Variants in CA10 observed in about 807,000 individuals in gnomAD.
CA10 encodes carbonic anhydrase-related protein 10.
A neutral mutation model predicts 44.2 loss-of-function variants in CA10; 14 were observed. The ratio of observed to expected loss-of-function variants is 0.32; its 90% CI spans 0.21 to 0.50. The LOEUF (loss-of-function observed/expected upper bound fraction) is 0.50. Ranked by LOEUF, CA10 falls within the 20% of genes least tolerant of loss-of-function variation. CA10 has a pLI of 0.99. For missense variants in CA10, 350 were observed against 409.7 expected (o/e 0.85, Z 1.26); for synonymous variants, 159 against 141.6 (o/e 1.12, Z -0.87).
intron 3 of CA10, among the ~76,000 whole-genome samples, chr17:51,784,173 T>C (rs924974518): frequency 2.6e-5 from 4 of 152,170 alleles, no homozygotes; most frequent in African/African-American, 9.7e-5. Flanking sequence ...CAAGTGCCCA[T>C]TGTGAACTCT....
At chr17:52,071,925 T>A (rs1264909134) in intron 2 of CA10, among the ~76,000 whole-genome samples, 2 of 152,194 alleles carry the variant, frequency 1.3e-5, no homozygotes, top group Non-Finnish European at 2.9e-5. Context: ...CGCGATGTGC[T>A]AAGTGCTGGC....
rs180929197 is a variant in CA10 at position 51,751,763 on chromosome 17, C to T, written c.280-3945G>A. On this transcript the variant is annotated intron_variant, in intron 3 of 8. Coordinates refer to ENST00000451037, the MANE Select transcript of CA10 (RefSeq NM_020178.5). ...GGAGAATGCAAGATCATATTGAAGG[C>T]CATGAAGCAAACCCCAAACCAGAAG... Among the ~76,000 whole-genome samples, 4 of 152,320 alleles carry T rather than the reference C, an allele frequency of 2.6e-5. No homozygotes were observed. In the East Asian group the frequency reaches 7.7e-4, roughly 29 times the overall value.
chr17:51,710,691 T>A (rs1362370907), intron 4 of CA10, among the ~76,000 whole-genome samples: 1 of 152,112 alleles, frequency 6.6e-6, no homozygotes, highest in African/African-American at 2.4e-5. Flanking sequence ...CGACTGAGCT[T>A]CCAGGAAGAG....
At chr17:51,714,499 G>A (rs1004214354) in intron 4 of CA10, among the ~76,000 whole-genome samples, 3 of 152,138 alleles carry the variant, frequency 2.0e-5, no homozygotes, top group Non-Finnish European at 4.4e-5. Context: ...TTTGGGAGGT[G>A]GGCTGGGGTC....
At position 52,072,377 on chromosome 17, in the gene CA10, T is replaced by G; in HGVS notation, c.78A>C (p.Pro26=). 3.1e-6 allele frequency: 5 copies of G among 1,613,404 alleles called. No individual in the cohort carries two copies. Among genetic ancestry groups the G allele is most frequent in the Admixed American group, 1.7e-5 (1 of 60,006 alleles). The change falls in exon 2 of 9, where the codon CCA becomes CCC. Residue 26 remains proline, a synonymous_variant. Transcript: ENST00000451037. ...IVCISAQQNS[P]KIHEGWWAYK... ...ATGCCCACCAGCCTTCATGGATTTT[T>G]GGTGAATTCTGTTGAGCTAAAGGAA...
At chr17:51,865,901 C>T (rs933961425) in intron 3 of CA10, among the ~76,000 whole-genome samples, 16 of 152,166 alleles carry the variant, frequency 1.1e-4, no homozygotes, top group African/African-American at 3.9e-4. Context: ...GAGGAAACCA[C>T]GTTGATTCTG....
intron 2 of CA10, among the ~76,000 whole-genome samples, chr17:51,941,629 G>A (rs1490225892): frequency 6.6e-6 from 1 of 152,104 alleles, no homozygotes; most frequent in Admixed American, 6.6e-5. Context: ...TGACCTACTT[G>A]ATGTTTATAC....
At chr17:51,908,406 A>G (rs1401267019) in intron 3 of CA10, among the ~76,000 whole-genome samples, 1 of 152,132 alleles carries the variant, frequency 6.6e-6, no homozygotes, top group Non-Finnish European at 1.5e-5. Flanking sequence ...AAATGACATA[A>G]TTTTAACAAA....
At chr17:52,081,437 T>C (rs1328722422) in intron 1 of CA10, among the ~76,000 whole-genome samples, 2 of 152,126 alleles carry the variant, frequency 1.3e-5, no homozygotes, top group African/African-American at 2.4e-5. Context: ...ACAATGTAAG[T>C]AGCGGCCCAA....
chr17:51,710,748 C>G (rs1223873826), intron 4 of CA10, among the ~76,000 whole-genome samples: 1 of 151,990 alleles, frequency 6.6e-6, no homozygotes, highest in Non-Finnish European at 1.5e-5. Context: ...GTCTAAGTCC[C>G]CACCAGAGGT....
intron 4 of CA10, among the ~76,000 whole-genome samples, chr17:51,724,573 G>A (rs1916455236): frequency 6.6e-6 from 1 of 152,152 alleles, no homozygotes; most frequent in Non-Finnish European, 1.5e-5. Flanking sequence ...AAGCAGCTTT[G>A]ATTTGTTGGG....
At chr17:51,751,829 T>G (rs1302427194) in intron 3 of CA10, among the ~76,000 whole-genome samples, 1 of 152,178 alleles carries the variant, frequency 6.6e-6, no homozygotes. Flanking sequence ...TCGATCTCAC[T>G]TCCAGACCCC....
chr17:51,635,810 A>G (rs1455738897), intron 7 of CA10, 45 bp downstream of exon 7: 25 of 1,436,820 alleles, frequency 1.7e-5, no homozygotes, highest in Non-Finnish European at 2.4e-5. Context: ...ATTTTTTTTT[A>G]ACATCATTCT....
intron 2 of CA10, among the ~76,000 whole-genome samples, chr17:52,016,900 G>A (rs1306331987): frequency 2.6e-5 from 4 of 152,062 alleles, no homozygotes; most frequent in Non-Finnish European, 5.9e-5. Flanking sequence ...GTGATAGAAT[G>A]AGGCTCCATC....
chr17:52,139,744 C>T (rs990725499), intron 1 of CA10, among the ~76,000 whole-genome samples: 3 of 152,096 alleles, frequency 2.0e-5, no homozygotes, highest in African/African-American at 7.2e-5. Context: ...GCTGTGTGCT[C>T]CTCAGTGTTA....
chr17:51,968,097 A>C lies in CA10; in HGVS notation c.137-36965T>G, dbSNP rs115888497. On this transcript the variant is annotated intron_variant, in intron 2 of 8. Coordinates refer to ENST00000451037, the MANE Select transcript of CA10 (RefSeq NM_020178.5). ...GAGGATACGGAGCAAGAGAAACTCT[A>C]ACATTGCTGGAGGGAACATAAGATA... Among the ~76,000 whole-genome samples, 418 of 152,026 alleles carry C rather than the reference A, an allele frequency of 2.7e-3. 2 individuals are homozygous for C. Among genetic ancestry groups the C allele is most frequent in the African/African-American group, 9.2e-3 (383 of 41,558 alleles).
intron 2 of CA10, among the ~76,000 whole-genome samples, chr17:51,969,075 A>G (rs1456961049): frequency 6.6e-6 from 1 of 152,014 alleles, no homozygotes. Context: ...AAAAGCCCAC[A>G]TATATTTGGA....
At chr17:52,123,162 T>C (rs555914842) in intron 1 of CA10, among the ~76,000 whole-genome samples, 14 of 152,142 alleles carry the variant, frequency 9.2e-5, no homozygotes, top group Admixed American at 2.0e-4. Context: ...GATGCCACAA[T>C]TTCATTAGAT....
intron 2 of CA10, among the ~76,000 whole-genome samples, chr17:52,062,143 C>T (rs771730211): frequency 6.9e-5 from 10 of 144,532 alleles, no homozygotes; most frequent in Non-Finnish European, 1.0e-4. Context: ...TCTTGGCTCA[C>T]AGCAACCTTC....
Sources: gnomAD v4.1 joint callset for allele counts (sites outside exome capture counted in the v4.1 genomes callset) on GRCh38, gnomAD v4.1.1 for gene constraint, MANE v1.5 for transcripts, NCBI Gene and HGNC (gene_info 2026-07-23, HGNC 2026-07-21) for gene names.